The following HCN1 variants were observed in gnomAD, a reference collection of about 807,000 sequenced individuals.
HCN1 encodes the protein potassium/sodium hyperpolarization-activated cyclic nucleotide-gated channel 1.
In HCN1, 13 loss-of-function variants were observed where a neutral mutation model predicts 78.9. That is an observed-to-expected ratio of 0.16 (90% confidence interval 0.11 to 0.26). The LOEUF (loss-of-function observed/expected upper bound fraction) is 0.26. Among genes scored for constraint, HCN1 ranks in the 10% least tolerant of loss-of-function variants. HCN1 has a pLI of 1.00. For missense variants in HCN1, 810 were observed against 1,154.3 expected (o/e 0.70, Z 4.32); for synonymous variants, 552 against 455.5 (o/e 1.21, Z -2.70).
At chr5:45,469,307 T>G (rs1325852660) in intron 2 of HCN1, among the ~76,000 whole-genome samples, 1 of 151,946 alleles carries the variant, frequency 6.6e-6, no homozygotes, top group Non-Finnish European at 1.5e-5. Flanking sequence ...GCAGCTTAAG[T>G]GATGGGAAAA....
chr5:45,495,939 C>T (rs1023804023), intron 2 of HCN1, among the ~76,000 whole-genome samples: 8 of 152,132 alleles, frequency 5.3e-5, no homozygotes, highest in Non-Finnish European at 1.0e-4. Context: ...CCTTGCATCC[C>T]AGGGATGAAG....
intron 2 of HCN1, among the ~76,000 whole-genome samples, chr5:45,599,479 G>T (rs1744579239): frequency 6.6e-6 from 1 of 152,088 alleles, no homozygotes; most frequent in Admixed American, 6.6e-5. Context: ...GATGGGTGCA[G>T]CAAACCCATG....
At chr5:45,346,653 T>C (rs1273552571) in intron 5 of HCN1, among the ~76,000 whole-genome samples, 1 of 152,146 alleles carries the variant, frequency 6.6e-6, no homozygotes, top group East Asian at 1.9e-4. Flanking sequence ...ATCGGGTCAC[T>C]CCCACCCTAA....
chr5:45,497,632 C>G (rs1742073721), intron 2 of HCN1, among the ~76,000 whole-genome samples: 1 of 152,122 alleles, frequency 6.6e-6, no homozygotes, highest in Admixed American at 6.6e-5. Flanking sequence ...ATACAGCACA[C>G]TGATGGGTCT....
intron 5 of HCN1, among the ~76,000 whole-genome samples, chr5:45,314,906 T>C (rs1745945901): frequency 6.6e-6 from 1 of 152,144 alleles, no homozygotes; most frequent in Non-Finnish European, 1.5e-5. Context: ...GCATCCAGAT[T>C]CATAAAGCAA....
At position 45,278,488 on chromosome 5, in the gene HCN1, A is replaced by C. The variant is rs1311160290; in HGVS notation, c.1619-11235T>G. 2.0e-5 allele frequency among the ~76,000 whole-genome samples: 3 copies of C among 152,124 alleles called. No individual in the cohort carries two copies. The East Asian group carries it at 5.8e-4, about 29-fold the overall frequency. On this transcript the variant is annotated intron_variant, in intron 6 of 7. Transcript: ENST00000303230. ...TTACAAATCAATCCTAACAGAGGTA[A>C]ATATCTGTTGATTTTTTTCCCACTC...
intron 2 of HCN1, among the ~76,000 whole-genome samples, chr5:45,628,187 A>AT (rs1267270379): frequency 2.0e-5 from 3 of 152,204 alleles, no homozygotes; most frequent in Non-Finnish European, 4.4e-5. Context: ...TCTTGGTGTG[A>AT]TAAAAATTGG....
intron 3 of HCN1, among the ~76,000 whole-genome samples, chr5:45,459,789 A>G (rs1389476056): frequency 1.3e-5 from 2 of 152,114 alleles, no homozygotes; most frequent in Non-Finnish European, 2.9e-5. Context: ...GTTGGTGCCA[A>G]TGAATCATCT....
intron 1 of HCN1, among the ~76,000 whole-genome samples, chr5:45,657,478 C>T (rs977233904): frequency 6.6e-6 from 1 of 152,094 alleles, no homozygotes; most frequent in Admixed American, 6.6e-5. Flanking sequence ...AGATGTTGCA[C>T]TTGCTTTTTT....
chr5:45,415,518 C>A (rs925653281), intron 3 of HCN1, among the ~76,000 whole-genome samples: 3 of 152,032 alleles, frequency 2.0e-5, no homozygotes, highest in Non-Finnish European at 4.4e-5. Flanking sequence ...GTTCCCCAAA[C>A]AAGCCAATTC....
At chr5:45,660,649 C>G (rs1361224797) in intron 1 of HCN1, among the ~76,000 whole-genome samples, 1 of 149,732 alleles carries the variant, frequency 6.7e-6, no homozygotes, top group South Asian at 2.1e-4. Flanking sequence ...GCAGGGGTTG[C>G]AATCCTAGTC....
chr5:45,259,999 A>G lies in HCN1; in HGVS notation c.*1922T>C, dbSNP rs1013874505. ...GCATATTGATGATTACATTACATCG[A>G]CTAGCAGTTAATTACTTCCACACCA... is the stretch of plus-strand genomic sequence containing the variant. On this transcript the variant is annotated 3_prime_UTR_variant, in exon 8 of 8. Coordinates refer to ENST00000303230, the MANE Select transcript of HCN1 (RefSeq NM_021072.4). 2.6e-5 allele frequency: 4 copies of G among 152,612 alleles called. No homozygotes were observed. Among genetic ancestry groups the G allele is most frequent in the Admixed American group, 2.0e-4 (3 of 15,272 alleles). The allele number at this position is 152,612 out of a possible 1,614,324, so 9.5% of individuals were successfully genotyped here.
intron 1 of HCN1, among the ~76,000 whole-genome samples, chr5:45,657,887 C>A (rs1277853793): frequency 6.6e-6 from 1 of 152,206 alleles, no homozygotes; most frequent in Non-Finnish European, 1.5e-5. Flanking sequence ...TTGGAAAAAA[C>A]TACTTTAAAG....
At chr5:45,303,507 C>A (rs757091229) in intron 6 of HCN1, 92 bp downstream of exon 6, 3 of 1,386,954 alleles carry the variant, frequency 2.2e-6, no homozygotes, top group Non-Finnish European at 3.0e-6. Flanking sequence ...CATTCAAAAC[C>A]AAAAAACTGA....
intron 5 of HCN1, among the ~76,000 whole-genome samples, chr5:45,316,965 A>G (rs2111928226): frequency 6.6e-6 from 1 of 152,314 alleles, no homozygotes; most frequent in East Asian, 1.9e-4. Flanking sequence ...GGAAGAATCA[A>G]TATTGTGTAA....
intron 6 of HCN1, among the ~76,000 whole-genome samples, chr5:45,295,228 T>C (rs1168476727): frequency 1.3e-5 from 2 of 152,038 alleles, no homozygotes; most frequent in Non-Finnish European, 2.9e-5. Context: ...ATGCCTGGAT[T>C]CTAACTCCAA....
intron 4 of HCN1, among the ~76,000 whole-genome samples, chr5:45,357,521 C>T (rs960911192): frequency 1.3e-5 from 2 of 151,982 alleles, no homozygotes; most frequent in African/African-American, 4.8e-5. Context: ...TTTCGTTGAT[C>T]ATTTATTTCT....
intron 2 of HCN1, among the ~76,000 whole-genome samples, chr5:45,496,072 T>C (rs1381043189): frequency 6.6e-6 from 1 of 152,176 alleles, no homozygotes; most frequent in Non-Finnish European, 1.5e-5. Context: ...CTTTTTTGGT[T>C]GTGTCTCTGC....
intron 2 of HCN1, among the ~76,000 whole-genome samples, chr5:45,630,800 T>G (rs1745257029): frequency 6.6e-6 from 1 of 152,152 alleles, no homozygotes; most frequent in African/African-American, 2.4e-5. Context: ...TGATACATCC[T>G]CAAAGAGAAC....
Sources: gnomAD v4.1 joint callset for allele counts (sites outside exome capture counted in the v4.1 genomes callset) on GRCh38, gnomAD v4.1.1 for gene constraint, MANE v1.5 for transcripts, NCBI Gene and HGNC (gene_info 2026-07-23, HGNC 2026-07-21) for gene names.